The following DOCK3 variants were observed in gnomAD, a reference collection of about 807,000 sequenced individuals.
The protein encoded by DOCK3 is dedicator of cytokinesis protein 3.
Under a neutral mutation model 265.6 loss-of-function variants are expected in DOCK3, and 60 were observed. That is an observed-to-expected ratio of 0.23 (90% CI 0.18 to 0.28). The LOEUF (loss-of-function observed/expected upper bound fraction) is 0.28, where lower values mean the gene tolerates loss of function less well. Among genes scored for constraint, DOCK3 ranks in the 10% least tolerant of loss-of-function variants. DOCK3 has a pLI of 1.00. For synonymous variants in DOCK3, 881 were observed against 938.0 expected (o/e 0.94, Z 1.11); for missense variants, 1,981 against 2,594.3 (o/e 0.76, Z 5.14).
chr3:50,716,763 T>C, intron 1 of DOCK3, among the ~76,000 whole-genome samples: 1 of 152,014 alleles, frequency 6.6e-6, no homozygotes, highest in Non-Finnish European at 1.5e-5. Flanking sequence ...TTTTAGTTTC[T>C]AATTCTGACT....
At chr3:50,893,191 G>T in intron 4 of DOCK3, 1 of 232,540 alleles carries the variant, frequency 4.3e-6, no homozygotes, top group South Asian at 4.5e-5. Flanking sequence ...CCAAAGCAAA[G>T]CTGCAAGGAA....
chr3:51,186,279 C>T (rs551634910), intron 12 of DOCK3, among the ~76,000 whole-genome samples: 1 of 152,190 alleles, frequency 6.6e-6, no homozygotes, highest in South Asian at 2.1e-4. Flanking sequence ...CAGCCTTTTG[C>T]CCCTGTCATA....
At chr3:51,067,107 T>C (rs148164555) in intron 6 of DOCK3, among the ~76,000 whole-genome samples, 2 of 152,338 alleles carry the variant, frequency 1.3e-5, no homozygotes, top group Non-Finnish European at 2.9e-5. Flanking sequence ...ATTGCAAATA[T>C]AACATTACTG....
At chr3:51,207,997 G>A (rs1029756493) in intron 12 of DOCK3, among the ~76,000 whole-genome samples, 9 of 152,158 alleles carry the variant, frequency 5.9e-5, no homozygotes, top group Non-Finnish European at 1.5e-5. Flanking sequence ...CCTAAACTTT[G>A]TTCCAAATGG....
intron 5 of DOCK3, among the ~76,000 whole-genome samples, chr3:51,060,581 G>A (rs2081376013): frequency 6.6e-6 from 1 of 152,160 alleles, no homozygotes; most frequent in African/African-American, 2.4e-5. Context: ...TAAGGTGTAA[G>A]GAAGGGATCC....
chr3:51,356,937 G>T, intron 43 of DOCK3, 25 bp from the exon 44 acceptor site: 1 of 1,593,508 alleles, frequency 6.3e-7, no homozygotes, highest in South Asian at 1.1e-5. Context: ...TTTCTGGGAT[G>T]ACTCTGTGTG....
At chr3:50,989,773 G>T (rs1436404385) in intron 5 of DOCK3, among the ~76,000 whole-genome samples, 1 of 152,192 alleles carries the variant, frequency 6.6e-6, no homozygotes, top group Non-Finnish European at 1.5e-5. Context: ...GACCACACCA[G>T]TTCTCCAACA....
At chr3:50,853,139 A>C (rs2046418805) in intron 3 of DOCK3, among the ~76,000 whole-genome samples, 1 of 152,082 alleles carries the variant, frequency 6.6e-6, no homozygotes, top group Non-Finnish European at 1.5e-5. Context: ...ATTCCTTTTA[A>C]CTGTATTTTA....
At chr3:51,278,933 T>C (rs2080966661) in intron 26 of DOCK3, among the ~76,000 whole-genome samples, 1 of 152,150 alleles carries the variant, frequency 6.6e-6, no homozygotes, top group African/African-American at 2.4e-5. Flanking sequence ...CATGAACATA[T>C]ATATTTTGCA....
chr3:50,994,989 A>C (rs2078228765), intron 5 of DOCK3, among the ~76,000 whole-genome samples: 1 of 152,192 alleles, frequency 6.6e-6, no homozygotes, highest in Admixed American at 6.5e-5. Flanking sequence ...TTATGGTGGT[A>C]TGCCAAGTAT....
chr3:50,933,057 A>C (rs1461836189), intron 4 of DOCK3, among the ~76,000 whole-genome samples: 1 of 151,968 alleles, frequency 6.6e-6, no homozygotes, highest in Non-Finnish European at 1.5e-5. Flanking sequence ...CTCCTCTTTA[A>C]AAAAGCCATC....
At chr3:50,874,042 GTT>G (rs869155239) in intron 3 of DOCK3, among the ~76,000 whole-genome samples, 1 of 115,174 alleles carries the variant, frequency 8.7e-6, no homozygotes, top group Non-Finnish European at 1.9e-5. Context: ...TCATGAAGGT[GTT>G]TTTTTTTTTT....
intron 13 of DOCK3, 62 bp from the exon 14 acceptor site, chr3:51,214,059 CT>C: frequency 1.2e-6 from 2 of 1,602,852 alleles, no homozygotes; most frequent in Non-Finnish European, 8.5e-7. Context: ...GTGACTGTGT[CT>C]TTTCAAGTAC....
intron 12 of DOCK3, among the ~76,000 whole-genome samples, chr3:51,202,533 G>A (rs370678499): frequency 3.9e-5 from 6 of 151,984 alleles, no homozygotes; most frequent in South Asian, 2.1e-4. Context: ...TCAATAGCTT[G>A]CCAACCAAAA....
At chr3:51,229,067 C>T (rs1387335655) in intron 18 of DOCK3, among the ~76,000 whole-genome samples, 1 of 152,310 alleles carries the variant, frequency 6.6e-6, no homozygotes, top group East Asian at 1.9e-4. Context: ...GCCTTAGACT[C>T]AGTCTGTGGT....
chr3:51,199,975 C>T (rs1335515783), intron 12 of DOCK3, among the ~76,000 whole-genome samples: 9 of 151,968 alleles, frequency 5.9e-5, no homozygotes, highest in Middle Eastern at 3.4e-3. Flanking sequence ...CTGAGGGTCC[C>T]GTCTGTTAGA....
intron 9 of DOCK3, among the ~76,000 whole-genome samples, chr3:51,095,648 G>C (rs1047259766): frequency 6.6e-6 from 1 of 151,664 alleles, no homozygotes; most frequent in Non-Finnish European, 1.5e-5. Context: ...TGGTTATACA[G>C]ATTACTTTAT....
At chr3:50,993,162 A>G (rs1015642528) in intron 5 of DOCK3, among the ~76,000 whole-genome samples, 1 of 152,188 alleles carries the variant, frequency 6.6e-6, no homozygotes, top group African/African-American at 2.4e-5. Flanking sequence ...GTTGAATATG[A>G]TGGGACCTCC....
chr3:51,273,684 C>G (rs2080641639), intron 24 of DOCK3, among the ~76,000 whole-genome samples: 1 of 152,182 alleles, frequency 6.6e-6, no homozygotes, highest in African/African-American at 2.4e-5. Flanking sequence ...GTGCCCAAAT[C>G]TCTTATATGT....
Sources: allele counts gnomAD v4.1 joint callset (sites outside exome capture counted in the v4.1 genomes callset), GRCh38; gene constraint gnomAD v4.1.1; transcripts MANE v1.5; gene names NCBI Gene and HGNC (gene_info 2026-07-23, HGNC 2026-07-21).